Variants in MBD5 observed in about 807,000 individuals in gnomAD.
The protein encoded by MBD5 is methyl-CpG binding domain protein 5, also known as methyl-CpG-binding domain protein 5.
A neutral mutation model predicts 117.3 loss-of-function variants in MBD5; 13 were observed. That is an observed-to-expected ratio of 0.11 (90% CI 0.07 to 0.18). The LOEUF (loss-of-function observed/expected upper bound fraction) is 0.18. Among genes scored for constraint, MBD5 ranks in the 10% least tolerant of loss-of-function variants. The probability of loss-of-function intolerance (pLI) is 1.00; values close to 1 mark genes in which losing one functional copy is unlikely to be tolerated. For synonymous variants in MBD5, 727 were observed against 766.4 expected (o/e 0.95, Z 0.85); for missense variants, 1,879 against 2,093.8 (o/e 0.90, Z 2.00).
chr2:148,442,482 T>C (rs1430707118), intron 4 of MBD5, among the ~76,000 whole-genome samples: 1 of 151,034 alleles, frequency 6.6e-6, no homozygotes, highest in African/African-American at 2.5e-5. Context: ...CAGACAATAA[T>C]AAGATAAATT....
intron 12 of MBD5, among the ~76,000 whole-genome samples, chr2:148,502,747 A>G: frequency 6.6e-6 from 1 of 152,182 alleles, no homozygotes; most frequent in East Asian, 1.9e-4. Flanking sequence ...TTCTTTCTTC[A>G]TTCCCTGCAT....
chr2:148,510,120 C>T lies in MBD5; in HGVS notation c.5097C>T (p.Asp1699=), dbSNP rs755570293. 128 of 1,609,604 alleles carry T rather than the reference C, an allele frequency of 8.0e-5. No individual in the cohort carries two copies. Among genetic ancestry groups the T allele is most frequent in the Non-Finnish European group, 1.0e-4 (119 of 1,176,268 alleles). ...AAIHEAMSEL[D]KMSGTVHQIP... ...TTCATGAGGCCATGAGTGAACTGGA[C>T]AAAATGTCTGGGACTGTAAGTTAAT... The change falls in exon 13 of 14, where the codon GAC becomes GAT. Residue 1699 remains aspartate (D), a synonymous_variant. Transcript: ENST00000642680.
At chr2:148,408,843 C>G (rs909823282) in intron 4 of MBD5, among the ~76,000 whole-genome samples, 1 of 150,926 alleles carries the variant, frequency 6.6e-6, no homozygotes, top group African/African-American at 2.4e-5. Flanking sequence ...TTTTTCTTGT[C>G]CTTATTCTGT....
At chr2:148,507,488 G>A (rs150284477) in intron 12 of MBD5, among the ~76,000 whole-genome samples, 5,501 of 152,206 alleles carry the variant, frequency 0.036, 338 homozygotes, top group African/African-American at 0.12. Context: ...GGCCGGGCGC[G>A]GTGGCTCACG....
At chr2:148,488,134 G>A (rs573489529) in intron 10 of MBD5, among the ~76,000 whole-genome samples, 1 of 152,334 alleles carries the variant, frequency 6.6e-6, no homozygotes, top group East Asian at 1.9e-4. Flanking sequence ...CCCCTCATGT[G>A]GGAAGCAGGA....
At chr2:148,342,628 T>C (rs922295271) in intron 4 of MBD5, among the ~76,000 whole-genome samples, 3 of 152,034 alleles carry the variant, frequency 2.0e-5, no homozygotes, top group Admixed American at 6.6e-5. Flanking sequence ...TTTATTTTTA[T>C]ATATGTGTAT....
At chr2:148,273,348 C>T (rs1701028856) in intron 3 of MBD5, among the ~76,000 whole-genome samples, 1 of 152,152 alleles carries the variant, frequency 6.6e-6, no homozygotes. Context: ...AACAAATTGT[C>T]CACACAGTTA....
At chr2:148,257,582 G>A (rs1428506910) in intron 3 of MBD5, among the ~76,000 whole-genome samples, 4 of 152,174 alleles carry the variant, frequency 2.6e-5, no homozygotes, top group South Asian at 2.1e-4. Flanking sequence ...GCTGCCAAAT[G>A]TCGCCACAAG....
In MBD5 at chr2:148,065,231, A is replaced by G. The variant is rs564027457; in HGVS notation, c.-925+43547A>G. 5.9e-5 allele frequency among the ~76,000 whole-genome samples: 9 copies of G among 152,302 alleles called. No individual in the cohort carries two copies. In the South Asian group the frequency reaches 1.2e-3, roughly 21 times the overall value. On this transcript the variant is annotated intron_variant, in intron 1 of 13. Transcript: ENST00000642680. ...CTGCTTTCCTCTGGACCATGTATCA[A>G]GAGGGACCTAGCAGATCTTTTTTCA...
chr2:148,272,207 G>C (rs975495837), intron 3 of MBD5, among the ~76,000 whole-genome samples: 3 of 152,146 alleles, frequency 2.0e-5, no homozygotes, highest in Non-Finnish European at 4.4e-5. Flanking sequence ...CACTGAGGTT[G>C]ATTCCATATC....
chr2:148,100,297 C>T (rs781312340), intron 1 of MBD5, among the ~76,000 whole-genome samples: 16 of 152,150 alleles, frequency 1.1e-4, no homozygotes, highest in Non-Finnish European at 1.9e-4. Context: ...ATTAACTTCC[C>T]CTTGGCTTCT....
chr2:148,376,360 T>C lies in MBD5; in HGVS notation c.-557+34024T>C, dbSNP rs367723484. On this transcript the variant is annotated intron_variant, in intron 4 of 13. Coordinates refer to ENST00000642680, the MANE Select transcript of MBD5 (RefSeq NM_001378120.1). ...TCGGCTCACTGCAAGTTCCGCCTCC[T>C]GGGTTCACGTCATTCTCCTGCCTCA... Among the ~76,000 whole-genome samples, 1,183 of 150,358 alleles carry C rather than the reference T, an allele frequency of 7.9e-3. 8 individuals are homozygous for C. The highest frequency in any genetic ancestry group is 0.011 in the Non-Finnish European group (733 of 67,638).
intron 2 of MBD5, among the ~76,000 whole-genome samples, chr2:148,202,616 C>G (rs79514681): frequency 0.012 from 1,845 of 152,234 alleles, 37 homozygotes; most frequent in African/African-American, 0.042. Flanking sequence ...CAAAGAGAAA[C>G]TATTAGTGAG....
At chr2:148,294,196 G>GTTTTTTTTTTTTTTT (rs60942822) in intron 3 of MBD5, among the ~76,000 whole-genome samples, 4 of 127,170 alleles carry the variant, frequency 3.1e-5, no homozygotes, top group African/African-American at 1.2e-4. Context: ...CCAGAATGAA[G>GTTTTTTTTTTTTTTT]TTTTTTTTTT....
chr2:148,095,260 T>TAA (rs1696038909), intron 1 of MBD5, among the ~76,000 whole-genome samples: 1 of 152,166 alleles, frequency 6.6e-6, no homozygotes, highest in African/African-American at 2.4e-5. Context: ...AATATTCAGA[T>TAA]AACATTTTTT....
chr2:148,053,786 C>T lies in MBD5; in HGVS notation c.-925+32102C>T, dbSNP rs904757477. On this transcript the variant is annotated intron_variant, in intron 1 of 13. Coordinates refer to ENST00000642680, the MANE Select transcript of MBD5 (RefSeq NM_001378120.1). ...ATGTATTATAATTTATTTATCCATC[C>T]TACTAGTGATGGGTATTTGAGTTAT... 3.3e-5 allele frequency: 5 copies of T among 151,886 alleles called. No homozygotes were observed. In the East Asian group the frequency reaches 7.7e-4, roughly 23 times the overall value. 9.4% of individuals were successfully genotyped at this position (151,886 alleles called of 1,614,324 possible).
chr2:148,183,347 A>T (rs1698573631), intron 2 of MBD5, among the ~76,000 whole-genome samples: 1 of 152,110 alleles, frequency 6.6e-6, no homozygotes, highest in Non-Finnish European at 1.5e-5. Context: ...CCTTACAAAA[A>T]GAAAAAGGAG....
chr2:148,373,037 T>C (rs1474151880), intron 4 of MBD5, among the ~76,000 whole-genome samples: 1 of 152,122 alleles, frequency 6.6e-6, no homozygotes, highest in Non-Finnish European at 1.5e-5. Flanking sequence ...AAACACATAG[T>C]TTAGCTGTGG....
chr2:148,186,837 C>G (rs1698670774), intron 2 of MBD5, among the ~76,000 whole-genome samples: 1 of 152,042 alleles, frequency 6.6e-6, no homozygotes. Flanking sequence ...AGAAACAGAG[C>G]AAGAAATGAC....
Sources: gnomAD v4.1 joint callset for allele counts (sites outside exome capture counted in the v4.1 genomes callset) on GRCh38, gnomAD v4.1.1 for gene constraint, MANE v1.5 for transcripts, NCBI Gene and HGNC (gene_info 2026-07-23, HGNC 2026-07-21) for gene names.